The following GALNT13 variants were observed in gnomAD, a reference collection of about 807,000 sequenced individuals.
GALNT13 encodes UDP-GalNAc:polypeptide N-acetylgalactosaminyltransferase 13.
Under a neutral mutation model 64.2 loss-of-function variants are expected in GALNT13, and 28 were observed. The observed-to-expected ratio is 0.44, with a 90% CI of 0.32 to 0.60. GALNT13 has a LOEUF of 0.60. GALNT13 is among the 20% of genes least tolerant of loss of function. The pLI is 0.05. For missense variants in GALNT13, 577 were observed against 669.8 expected, an observed-to-expected ratio of 0.86 and a Z score of 1.53; for synonymous variants, 214 against 224.6, an observed-to-expected ratio of 0.95 and a Z score of 0.42.
chr2:153,693,063 A>G, the GALNT13 span, among the ~76,000 whole-genome samples: 1 of 152,236 alleles, frequency 6.6e-6, no homozygotes, highest in Admixed American at 6.5e-5. Flanking sequence ...AATGTGTTCT[A>G]CAATACATTT....
chr2:154,170,599 G>C (rs914292755), intron 4 of GALNT13, among the ~76,000 whole-genome samples: 5 of 152,256 alleles, frequency 3.3e-5, no homozygotes, highest in Admixed American at 3.3e-4. Flanking sequence ...AGGCAGAATA[G>C]CAAGCATAGT....
At chr2:153,967,542 T>C (rs1282818331) in intron 3 of GALNT13, among the ~76,000 whole-genome samples, 1 of 152,178 alleles carries the variant, frequency 6.6e-6, no homozygotes, top group African/African-American at 2.4e-5. Context: ...ATTCCCTGTG[T>C]TCCTAGGCAA....
the GALNT13 span, among the ~76,000 whole-genome samples, chr2:153,726,614 G>A: frequency 3.9e-4 from 59 of 152,104 alleles, no homozygotes; most frequent in Non-Finnish European, 3.5e-4. Context: ...AATAAACCAC[G>A]TCATTTGGCT....
At chr2:153,118,811 AG>A in the GALNT13 span, among the ~76,000 whole-genome samples, 2 of 152,210 alleles carry the variant, frequency 1.3e-5, no homozygotes, top group Non-Finnish European at 2.9e-5. Context: ...TTCATATTAT[AG>A]GTGAGAAGAC....
the GALNT13 span, among the ~76,000 whole-genome samples, chr2:153,156,890 G>A: frequency 2.6e-5 from 4 of 152,150 alleles, no homozygotes; most frequent in African/African-American, 9.6e-5. Context: ...GTACAGATGA[G>A]ACAAGGCACG....
At chr2:153,162,212 A>G in the GALNT13 span, among the ~76,000 whole-genome samples, 1 of 152,212 alleles carries the variant, frequency 6.6e-6, no homozygotes, top group African/African-American at 2.4e-5. Flanking sequence ...GAACATGTTC[A>G]AAGAGCCATT....
chr2:154,140,034 T>A (rs569940970), intron 3 of GALNT13, among the ~76,000 whole-genome samples: 1 of 152,224 alleles, frequency 6.6e-6, no homozygotes, highest in East Asian at 1.9e-4. Flanking sequence ...TCAACTTCAG[T>A]TTTCTCTAAT....
intron 3 of GALNT13, among the ~76,000 whole-genome samples, chr2:154,011,042 AAAAC>A (rs1696599925): frequency 6.6e-6 from 1 of 151,894 alleles, no homozygotes; most frequent in Non-Finnish European, 1.5e-5. Flanking sequence ...TTATTCCACA[AAAAC>A]AAACTTTTCG....
chr2:154,268,107 AATGTATATTCATACAAAGAGTTGTATG>A (rs1453378436), intron 8 of GALNT13, among the ~76,000 whole-genome samples: 1 of 152,202 alleles, frequency 6.6e-6, no homozygotes, highest in Non-Finnish European at 1.5e-5. Flanking sequence ...TGGAAAGGAA[AATGTATATTCATACAAAGAGTTGTATG>A]CCAATATTCA....
intron 3 of GALNT13, among the ~76,000 whole-genome samples, chr2:154,046,766 G>A (rs1049514687): frequency 3.9e-5 from 6 of 152,100 alleles, no homozygotes; most frequent in Non-Finnish European, 7.4e-5. Context: ...AGAAAAGAAA[G>A]AAGAAAAGGA....
At chr2:154,256,794 T>C (rs1019102578) in intron 7 of GALNT13, among the ~76,000 whole-genome samples, 1 of 152,190 alleles carries the variant, frequency 6.6e-6, no homozygotes, top group Non-Finnish European at 1.5e-5. Context: ...ACTATTCCCC[T>C]CTCGTTCAAT....
intron 3 of GALNT13, among the ~76,000 whole-genome samples, chr2:153,973,038 C>T (rs1693843334): frequency 6.6e-6 from 1 of 151,994 alleles, no homozygotes; most frequent in African/African-American, 2.4e-5. Context: ...AATAAAATCT[C>T]ATGTAAATAC....
At chr2:154,290,302 C>T (rs1024060958) in intron 8 of GALNT13, among the ~76,000 whole-genome samples, 2 of 152,150 alleles carry the variant, frequency 1.3e-5, no homozygotes, top group African/African-American at 4.8e-5. Context: ...TGAAGAGGTC[C>T]TCCAGTCTCT....
the GALNT13 span, among the ~76,000 whole-genome samples, chr2:153,562,060 C>CTCTCTGTGTGTGTG: frequency 1.8e-4 from 22 of 118,958 alleles, no homozygotes; most frequent in African/African-American, 5.8e-4. Flanking sequence ...CTCTCTCTCT[C>CTCTCTGTGTGTGTG]TGTGTGTGTG....
chr2:154,401,497 AG>A, intron 10 of GALNT13, among the ~76,000 whole-genome samples: 1 of 152,242 alleles, frequency 6.6e-6, no homozygotes, highest in South Asian at 2.1e-4. Context: ...TGTATGTGTA[AG>A]GAGAATATGT....
intron 4 of GALNT13, among the ~76,000 whole-genome samples, chr2:154,238,466 T>C (rs1205620717): frequency 3.3e-5 from 5 of 152,062 alleles, no homozygotes; most frequent in African/African-American, 9.7e-5. Flanking sequence ...CATTTTTTTC[T>C]TTCATAATAG....
the GALNT13 span, among the ~76,000 whole-genome samples, chr2:153,235,424 T>A: frequency 6.6e-6 from 1 of 152,058 alleles, no homozygotes; most frequent in Non-Finnish European, 1.5e-5. Context: ...ATGGGAGTCT[T>A]ACATGATTCT....
At chr2:153,836,749 C>T in the GALNT13 span, among the ~76,000 whole-genome samples, 2 of 148,792 alleles carry the variant, frequency 1.3e-5, no homozygotes, top group South Asian at 2.1e-4. Flanking sequence ...TGAGTGAGAA[C>T]ATGCGGTGTT....
At chr2:153,190,912 G>T in the GALNT13 span, among the ~76,000 whole-genome samples, 1 of 151,934 alleles carries the variant, frequency 6.6e-6, no homozygotes, top group African/African-American at 2.4e-5. Context: ...ACTGATTTTT[G>T]TATGTTGATT....
Sources: allele counts gnomAD v4.1 joint callset (sites outside exome capture counted in the v4.1 genomes callset), GRCh38; gene constraint gnomAD v4.1.1; transcripts MANE v1.5; gene names NCBI Gene and HGNC (gene_info 2026-07-23, HGNC 2026-07-21).